LEKR1: variants seen among roughly 807,000 people sequenced by gnomAD.
LEKR1 encodes leucine, glutamate and lysine rich 1.
LEKR1 carries 59 observed loss-of-function variants against 72.4 expected under a neutral mutation model. The ratio of observed to expected loss-of-function variants is 0.82; its 90% CI spans 0.66 to 1.01. LEKR1 has a LOEUF of 1.01. Ranked by LOEUF, LEKR1 falls within the 50% of genes least tolerant of loss-of-function variation. The probability of loss-of-function intolerance (pLI) is 0.00; values close to 1 mark genes in which losing one functional copy is unlikely to be tolerated. For missense variants in LEKR1, 728 were observed against 759.2 expected (o/e 0.96, Z 0.48); for synonymous variants, 257 against 263.2 (o/e 0.98, Z 0.23).
At chr3:156,925,931 A>T (rs1327089451) in intron 4 of LEKR1, among the ~76,000 whole-genome samples, 1 of 152,040 alleles carries the variant, frequency 6.6e-6, no homozygotes, top group East Asian at 1.9e-4. Flanking sequence ...ATTAATTTGG[A>T]TGTATATAAT....
At chr3:156,951,324 T>TTGTG (rs112002194) in intron 6 of LEKR1, among the ~76,000 whole-genome samples, 1 of 151,202 alleles carries the variant, frequency 6.6e-6, no homozygotes, top group African/African-American at 2.4e-5. Context: ...CTGAATTTTT[T>TTGTG]TGTGTGTGTG....
intron 3 of LEKR1, among the ~76,000 whole-genome samples, chr3:156,862,533 A>G (rs1046166845): frequency 5.3e-5 from 8 of 152,064 alleles, no homozygotes; most frequent in Non-Finnish European, 8.8e-5. Context: ...CAGGGATGAT[A>G]CACACATTAC....
chr3:156,926,788 C>T (rs1236552370), intron 4 of LEKR1, among the ~76,000 whole-genome samples: 5 of 151,942 alleles, frequency 3.3e-5, no homozygotes, highest in Admixed American at 1.3e-4. Context: ...TCTTAGTCTA[C>T]TCAGGGATGT....
chr3:156,979,150 A>C, intron 6 of LEKR1, 44 bp from the exon 7 acceptor site: 1 of 851,154 alleles, frequency 1.2e-6, no homozygotes, highest in Non-Finnish European at 1.7e-6. Flanking sequence ...ATATCTGGAC[A>C]CTTAAAATGT....
At chr3:156,999,036 G>T (rs1299073762) in intron 9 of LEKR1, among the ~76,000 whole-genome samples, 1 of 152,106 alleles carries the variant, frequency 6.6e-6, no homozygotes, top group South Asian at 2.1e-4. Flanking sequence ...AGATCTGATG[G>T]TTTTATAAGG....
chr3:156,897,721 G>A (rs944115827), intron 3 of LEKR1, among the ~76,000 whole-genome samples: 1 of 152,190 alleles, frequency 6.6e-6, no homozygotes, highest in African/African-American at 2.4e-5. Context: ...GGGAGGCCAA[G>A]GCAGGTGGAT....
chr3:156,887,096 A>T (rs1720181234), intron 3 of LEKR1, among the ~76,000 whole-genome samples: 1 of 152,130 alleles, frequency 6.6e-6, no homozygotes, highest in Non-Finnish European at 1.5e-5. Context: ...CAATATTTTG[A>T]ATTCCTTTAG....
chr3:156,834,863 A>G (rs1712897756), intron 2 of LEKR1, among the ~76,000 whole-genome samples: 1 of 152,232 alleles, frequency 6.6e-6, no homozygotes, highest in African/African-American at 2.4e-5. Context: ...TTTACCAATA[A>G]TCTTTAAAAC....
At chr3:157,042,473 A>G (rs1735425514) in intron 12 of LEKR1, among the ~76,000 whole-genome samples, 1 of 152,172 alleles carries the variant, frequency 6.6e-6, no homozygotes, top group Non-Finnish European at 1.5e-5. Flanking sequence ...GCATGGGTGC[A>G]CAGTTCAGCT....
intron 6 of LEKR1, among the ~76,000 whole-genome samples, chr3:156,962,562 G>A (rs1306566194): frequency 1.3e-5 from 2 of 152,080 alleles, no homozygotes; most frequent in Non-Finnish European, 2.9e-5. Context: ...GATCTCCTGT[G>A]GAAGCCATGT....
At chr3:156,849,195 T>TA (rs1715019711) in intron 2 of LEKR1, among the ~76,000 whole-genome samples, 1 of 152,124 alleles carries the variant, frequency 6.6e-6, no homozygotes, top group African/African-American at 2.4e-5. Flanking sequence ...GAATCCAACT[T>TA]ACAAGGGATG....
chr3:157,035,466 G>A (rs1396607107), intron 12 of LEKR1, among the ~76,000 whole-genome samples: 1 of 152,150 alleles, frequency 6.6e-6, no homozygotes, highest in East Asian at 1.9e-4. Context: ...AAGAGATAAA[G>A]CAAGAGTATA....
chr3:156,990,208 C>T (rs1024913692), intron 7 of LEKR1, among the ~76,000 whole-genome samples: 1 of 152,054 alleles, frequency 6.6e-6, no homozygotes, highest in African/African-American at 2.4e-5. Flanking sequence ...GATGATTCCT[C>T]TCTATTAGAT....
chr3:156,903,537 T>C (rs1467414050), intron 3 of LEKR1, among the ~76,000 whole-genome samples: 1 of 152,166 alleles, frequency 6.6e-6, no homozygotes, highest in Non-Finnish European at 1.5e-5. Flanking sequence ...TAGCTTGAAC[T>C]AGCTTAGGCA....
At chr3:156,836,275 A>G (rs1031175381) in intron 2 of LEKR1, among the ~76,000 whole-genome samples, 2 of 152,164 alleles carry the variant, frequency 1.3e-5, no homozygotes, top group Non-Finnish European at 2.9e-5. Context: ...GTTTACTTAC[A>G]ATTTTGTGGG....
At position 157,024,860 on chromosome 3, in the gene LEKR1, A is replaced by T. The variant is rs1214544705; in HGVS notation, c.1304A>T (p.Glu435Val). 3.1e-6 allele frequency: 5 copies of T among 1,609,768 alleles called. No individual in the cohort carries two copies. The highest frequency in any genetic ancestry group is 1.3e-5 in the African/African-American group (1 of 74,774). The change falls in exon 11 of 13, where the codon GAA becomes GTA. Residue 435 changes from glutamate to valine, a missense_variant. By Grantham distance (121) the Glu-to-Val change is moderately radical (BLOSUM62 -2). Transcript: ENST00000356539. ...GAAACAAAATTGCAACTTGATATTG[A>T]AAAAGAAAAACACCAAGATGTAATC... ...KEETKLQLDI[E>V]KEKHQDVIQK...
chr3:156,840,927 A>G (rs564681365), intron 2 of LEKR1, among the ~76,000 whole-genome samples: 9 of 152,310 alleles, frequency 5.9e-5, no homozygotes, highest in African/African-American at 2.2e-4. Context: ...CCTTTCTTGT[A>G]CTAGCCTAGG....
intron 10 of LEKR1, among the ~76,000 whole-genome samples, chr3:157,023,568 C>T (rs1733984206): frequency 6.6e-6 from 1 of 152,084 alleles, no homozygotes; most frequent in African/African-American, 2.4e-5. Flanking sequence ...CTGTTAAATT[C>T]CTACTCATGT....
Position 156,900,919 on chromosome 3 carries a change from TTGAA to T in LEKR1, c.264-19652_264-19649del, listed in dbSNP as rs146872108. Among the ~76,000 whole-genome samples, 979 of 152,334 alleles carry T rather than the reference TTGAA, an allele frequency of 6.4e-3. 6 individuals carry two copies. Among genetic ancestry groups the T allele is most frequent in the Non-Finnish European group, 0.01 (705 of 68,028 alleles). On this transcript the variant is annotated intron_variant, in intron 3 of 12. Coordinates refer to ENST00000356539, the MANE Select transcript of LEKR1 (RefSeq NM_001004316.3). Reference sequence around the variant, plus strand: ...AATTGGGCATTATTAACGAAACTCTTTGAATGATCTTTGTTTTGGAAGTAGCCAT... The same window carrying T: ...AATTGGGCATTATTAACGAAACTCTTTGATCTTTGTTTTGGAAGTAGCCAT...
Sources: allele counts gnomAD v4.1 joint callset (sites outside exome capture counted in the v4.1 genomes callset), GRCh38; gene constraint gnomAD v4.1.1; transcripts MANE v1.5; gene names NCBI Gene and HGNC (gene_info 2026-07-23, HGNC 2026-07-21).